WDPCP: variants seen among roughly 807,000 people sequenced by gnomAD.
The protein encoded by WDPCP is WD repeat-containing and planar cell polarity effector protein fritz homolog.
A neutral mutation model predicts 93.1 loss-of-function variants in WDPCP; 71 were observed. The observed-to-expected ratio is 0.76, with a 90% CI of 0.63 to 0.93. The LOEUF (loss-of-function observed/expected upper bound fraction) is 0.93. Ranked by LOEUF, WDPCP falls within the 40% of genes least tolerant of loss-of-function variation. The probability of loss-of-function intolerance (pLI) is 0.00; values close to 1 mark genes in which losing one functional copy is unlikely to be tolerated. For missense variants in WDPCP, 844 were observed against 887.4 expected, an observed-to-expected ratio of 0.95 and a Z score of 0.62; for synonymous variants, 315 against 315.0, an observed-to-expected ratio of 1.00 and a Z score of 0.00.
At chr2:63,811,914 A>G (rs370127841) in intron 2 of WDPCP, among the ~76,000 whole-genome samples, 25 of 152,174 alleles carry the variant, frequency 1.6e-4, no homozygotes, top group East Asian at 1.4e-3. Context: ...CCCTGGCTGG[A>G]GTAGAGTGGC....
intron 9 of WDPCP, among the ~76,000 whole-genome samples, chr2:63,412,118 C>T (rs1695065526): frequency 6.6e-6 from 1 of 152,106 alleles, no homozygotes; most frequent in South Asian, 2.1e-4. Flanking sequence ...AACATTGATG[C>T]TAAACTCCTT....
chr2:63,329,909 G>A (rs930436762), intron 12 of WDPCP, among the ~76,000 whole-genome samples: 1 of 152,092 alleles, frequency 6.6e-6, no homozygotes, highest in Non-Finnish European at 1.5e-5. Flanking sequence ...ATTGTTGTAA[G>A]TAACAGGATT....
chr2:63,161,548 A>G (rs919796761), intron 15 of WDPCP, among the ~76,000 whole-genome samples: 1 of 152,176 alleles, frequency 6.6e-6, no homozygotes, highest in African/African-American at 2.4e-5. Context: ...TCACTAACAA[A>G]GCTGCAGGAG....
chr2:63,595,272 T>C, intron 3 of WDPCP: 1 of 674,946 alleles, frequency 1.5e-6, no homozygotes, highest in African/African-American at 1.8e-5. Flanking sequence ...AGTGGCATAG[T>C]GCTAGATACC....
At chr2:63,832,108 T>A (rs2104174043), upstream of WDPCP, among the ~76,000 whole-genome samples, 1 of 152,374 alleles carries the variant, frequency 6.6e-6, no homozygotes, top group South Asian at 2.1e-4. Flanking sequence ...CTTACCTAGT[T>A]CACTCATGTG....
intron 2 of WDPCP, among the ~76,000 whole-genome samples, chr2:63,720,404 A>C (rs554169009): frequency 2.6e-4 from 39 of 150,834 alleles, no homozygotes; most frequent in Admixed American, 2.0e-3. Context: ...GTGACAGAGC[A>C]AGACTCTACC....
At chr2:63,369,876 A>G (rs1691236340) in intron 12 of WDPCP, among the ~76,000 whole-genome samples, 1 of 152,198 alleles carries the variant, frequency 6.6e-6, no homozygotes, top group Non-Finnish European at 1.5e-5. Context: ...TACGAACAAC[A>G]TAAGCAAAAT....
chr2:63,387,899 T>C (rs1482690716), intron 10 of WDPCP, among the ~76,000 whole-genome samples: 1 of 151,956 alleles, frequency 6.6e-6, no homozygotes, highest in African/African-American at 2.4e-5. Flanking sequence ...ATAAAACACC[T>C]GGGAATACAG....
At chr2:63,262,616 T>C (rs1231999286) in intron 13 of WDPCP, among the ~76,000 whole-genome samples, 1 of 151,702 alleles carries the variant, frequency 6.6e-6, no homozygotes, top group Admixed American at 6.6e-5. Flanking sequence ...GGTACTATTA[T>C]GAGTACTTTA....
At chr2:63,648,211 T>C (rs1007687480) in intron 3 of WDPCP, among the ~76,000 whole-genome samples, 18 of 152,290 alleles carry the variant, frequency 1.2e-4, no homozygotes, top group African/African-American at 4.1e-4. Context: ...AAATCTTTAC[T>C]CTTATCCCCC....
chr2:63,428,596 T>G (rs1224430194), intron 9 of WDPCP, among the ~76,000 whole-genome samples: 1 of 152,124 alleles, frequency 6.6e-6, no homozygotes, highest in Non-Finnish European at 1.5e-5. Context: ...ATAAAAGCCA[T>G]CTATTTCAAA....
rs865849076 is a variant in WDPCP, at chr2:63,501,231, T to G, written c.76-8291A>C. 3.9e-5 allele frequency among the ~76,000 whole-genome samples: 6 copies of G among 152,322 alleles called. 1 individual carries two copies. The highest frequency in any genetic ancestry group is 6.8e-3 in the Middle Eastern group (2 of 294). On this transcript the variant is annotated intron_variant, in intron 1 of 17. Transcript: ENST00000272321. ...GTTCAAAATACTATCTAAGTCCCTA[T>G]TTTTAAAACAAGCTTTAGAACCTAA...
At chr2:63,515,952 G>A (rs1277200700) in intron 1 of WDPCP, among the ~76,000 whole-genome samples, 7 of 151,904 alleles carry the variant, frequency 4.6e-5, no homozygotes, top group Non-Finnish European at 7.4e-5. Flanking sequence ...CCCAGGATAC[G>A]GAGGTTGCAG....
At chr2:63,474,338 T>C (rs1224174579) in intron 6 of WDPCP, among the ~76,000 whole-genome samples, 1 of 152,050 alleles carries the variant, frequency 6.6e-6, no homozygotes, top group Admixed American at 6.6e-5. Flanking sequence ...AAAGTATACA[T>C]AAAAAGTTCT....
intron 2 of WDPCP, among the ~76,000 whole-genome samples, chr2:63,694,331 T>A (rs1428676437): frequency 1.3e-5 from 2 of 152,114 alleles, no homozygotes; most frequent in African/African-American, 4.8e-5. Context: ...TGGTTAGGAT[T>A]TCAAAGGCGG....
chr2:63,557,176 A>G (rs1426100879), intron 1 of WDPCP, among the ~76,000 whole-genome samples: 3 of 152,210 alleles, frequency 2.0e-5, no homozygotes, highest in Admixed American at 1.3e-4. Flanking sequence ...CGTAAATGTA[A>G]ATGGACTAAA....
At chr2:63,213,408 A>G (rs913966861) in intron 14 of WDPCP, among the ~76,000 whole-genome samples, 3 of 152,228 alleles carry the variant, frequency 2.0e-5, no homozygotes, top group Non-Finnish European at 4.4e-5. Flanking sequence ...AGAAATAAAG[A>G]TGTTCTTTGA....
intron 1 of WDPCP, among the ~76,000 whole-genome samples, chr2:63,503,898 A>G (rs1294949036): frequency 7.7e-6 from 1 of 129,090 alleles, no homozygotes; most frequent in Non-Finnish European, 1.6e-5. Flanking sequence ...CTATGAAGTG[A>G]GCTCAAATGA....
chr2:63,567,563 TC>T (rs1707168102), intron 1 of WDPCP, among the ~76,000 whole-genome samples: 1 of 152,206 alleles, frequency 6.6e-6, no homozygotes, highest in African/African-American at 2.4e-5. Flanking sequence ...CACATGCTGA[TC>T]CCTCTGTAAG....
Sources: gnomAD v4.1 joint callset for allele counts (sites outside exome capture counted in the v4.1 genomes callset) on GRCh38, gnomAD v4.1.1 for gene constraint, MANE v1.5 for transcripts, NCBI Gene and HGNC (gene_info 2026-07-23, HGNC 2026-07-21) for gene names.